Variants in REV3L observed in about 807,000 individuals in gnomAD.
The protein encoded by REV3L is DNA polymerase zeta catalytic subunit.
In REV3L, 69 loss-of-function variants were observed where a neutral mutation model predicts 299.4. The ratio of observed to expected loss-of-function variants is 0.23; its 90% CI spans 0.19 to 0.28. The LOEUF (loss-of-function observed/expected upper bound fraction) is 0.28. REV3L is among the 10% of genes least tolerant of loss of function. REV3L has a pLI of 1.00. For synonymous variants in REV3L, 1,238 were observed against 1,271.4 expected (o/e 0.97, Z 0.56); for missense variants, 3,128 against 3,693.8 (o/e 0.85, Z 3.97).
intron 21 of REV3L, among the ~76,000 whole-genome samples, chr6:111,340,355 G>T (rs1157619568): frequency 1.3e-5 from 2 of 152,044 alleles, no homozygotes; most frequent in African/African-American, 4.8e-5. Context: ...TTAGAGATTA[G>T]GAAAAGTTTT....
chr6:111,446,889 ACT>A (rs780767843), intron 1 of REV3L, among the ~76,000 whole-genome samples: 4 of 152,006 alleles, frequency 2.6e-5, no homozygotes, highest in Non-Finnish European at 5.9e-5. Flanking sequence ...GAATAAATCT[ACT>A]CTTTGTATAG....
At chr6:111,310,995 T>G in intron 29 of REV3L, 74 bp downstream of exon 29, 1 of 1,204,684 alleles carries the variant, frequency 8.3e-7, no homozygotes, top group Non-Finnish European at 1.1e-6. Flanking sequence ...CTATGGACTG[T>G]CTTTTCATTT....
chr6:111,359,533 A>T (rs1233393042), intron 16 of REV3L, among the ~76,000 whole-genome samples: 2 of 150,786 alleles, frequency 1.3e-5, no homozygotes, highest in African/African-American at 2.4e-5. Context: ...AAAAAAAAAA[A>T]AAAAAAAAAG....
At chr6:111,461,417 A>G (rs1308238820) in intron 1 of REV3L, among the ~76,000 whole-genome samples, 1 of 152,122 alleles carries the variant, frequency 6.6e-6, no homozygotes, top group African/African-American at 2.4e-5. Context: ...AGTTATTGTA[A>G]GAGAGTAAAA....
intron 4 of REV3L, among the ~76,000 whole-genome samples, chr6:111,395,204 C>CCA (rs1384930369): frequency 6.6e-6 from 1 of 152,086 alleles, no homozygotes; most frequent in East Asian, 1.9e-4. Flanking sequence ...TTTTGTAGTT[C>CCA]CACATGAAGT....
chr6:111,445,493 T>A (rs953320380), intron 1 of REV3L, among the ~76,000 whole-genome samples: 4 of 152,234 alleles, frequency 2.6e-5, no homozygotes, highest in African/African-American at 7.2e-5. Flanking sequence ...AACCATTTTT[T>A]AAATATTTTC....
chr6:111,387,982 A>T lies in REV3L; in HGVS notation c.947+19T>A, dbSNP rs370930963. On this transcript the variant is annotated intron_variant, in intron 8 of 31. Coordinates refer to ENST00000368802, the MANE Select transcript of REV3L (RefSeq NM_001372078.1). ...AGGAATAAAATTAGTTCTGAGATCT[A>T]TAATAAATAACCACTTACACAGAGA... 3 of 1,607,300 alleles carry T rather than the reference A, an allele frequency of 1.9e-6. No individual in the cohort carries two copies. The African/African-American group carries it at 4.0e-5, about 22-fold the overall frequency.
rs1229190886 is a variant in REV3L, at chr6:111,377,803, C to T, written c.1495G>A (p.Asp499Asn). Residue 499 changes from aspartate to asparagine, a missense_variant, in exon 12 of 32, where the codon GAT becomes AAT. This residue lies in a region of REV3L where 2,409 missense variants were observed against 2,611.8 expected (regional missense o/e 0.92). Coordinates refer to ENST00000368802, the MANE Select transcript of REV3L (RefSeq NM_001372078.1). Reference sequence around the variant, plus strand: ...ATTTCTTCTCCTGAAGATGAGTCATCATCTTCAGTTGAACTTCTGTGGGTA... The same window carrying T: ...ATTTCTTCTCCTGAAGATGAGTCATTATCTTCAGTTGAACTTCTGTGGGTA... ...RNTHRSSTED[D>N]DSSSGEEMEW... 1 of 1,613,398 alleles carries T rather than the reference C, an allele frequency of 6.2e-7. No individual in the cohort carries two copies. Among genetic ancestry groups the T allele is most frequent in the Non-Finnish European group, 8.5e-7 (1 of 1,179,744 alleles).
intron 1 of REV3L, chr6:111,430,148 C>A (rs1243049211): frequency 2.5e-6 from 2 of 787,618 alleles, no homozygotes; most frequent in Non-Finnish European, 4.7e-6. Context: ...TCCAGTGTCA[C>A]GCCCCTGTGG....
At chr6:111,410,941 T>C (rs1002087854) in intron 3 of REV3L, among the ~76,000 whole-genome samples, 1 of 152,130 alleles carries the variant, frequency 6.6e-6, no homozygotes, top group Non-Finnish European at 1.5e-5. Context: ...AAATCTTCCA[T>C]ATATGTGCCC....
In REV3L at chr6:111,379,962, T is replaced by G. The variant is rs1780659085; in HGVS notation, c.1454+20A>C. On this transcript the variant is annotated intron_variant, in intron 11 of 31. Coordinates refer to ENST00000368802, the MANE Select transcript of REV3L (RefSeq NM_001372078.1). ...TAATGATAAAAGTTAATAAAACAAC[T>G]GCAATAACTAAAAAATTACCTCTTT... is the stretch of plus-strand genomic sequence containing the variant. 1 of 1,412,748 alleles carries G rather than the reference T, an allele frequency of 7.1e-7. No individual in the cohort carries two copies. Among genetic ancestry groups the G allele is most frequent in the Non-Finnish European group, 9.9e-7 (1 of 1,005,248 alleles). 87.5% of individuals were successfully genotyped at this position (1,412,748 alleles called of 1,614,324 possible).
chr6:111,315,470 T>C (rs1057320301), intron 26 of REV3L, 89 bp from the exon 27 acceptor site: 13 of 916,470 alleles, frequency 1.4e-5, no homozygotes, highest in African/African-American at 1.3e-4. Flanking sequence ...ATGACTCTTG[T>C]CTAATGCCAA....
At chr6:111,460,107 T>A (rs1583070344) in intron 1 of REV3L, among the ~76,000 whole-genome samples, 1 of 152,070 alleles carries the variant, frequency 6.6e-6, no homozygotes, top group East Asian at 1.9e-4. Context: ...CAAAATCATG[T>A]CCTTTGCAAC....
rs373518464 is a variant in REV3L, at chr6:111,475,765, G to A, written c.139+6985C>T. On this transcript the variant is annotated intron_variant, in intron 1 of 31. Transcript: ENST00000368802. Reference sequence around the variant, plus strand: ...TTTGTTTGATTTTTTCCCCTGTACAGAATTTTATTTTTATGTCCTAAAATC... The same window carrying A: ...TTTGTTTGATTTTTTCCCCTGTACAAAATTTTATTTTTATGTCCTAAAATC... 1.6e-4 allele frequency among the ~76,000 whole-genome samples: 25 copies of A among 152,172 alleles called. No homozygotes were observed. In the South Asian group the frequency reaches 4.4e-3, roughly 26 times the overall value.
intron 1 of REV3L, among the ~76,000 whole-genome samples, chr6:111,471,275 G>A (rs1186613830): frequency 2.6e-5 from 4 of 151,818 alleles, no homozygotes; most frequent in Non-Finnish European, 5.9e-5. Flanking sequence ...CACTAGTGAT[G>A]GCTTTGGAAA....
intron 1 of REV3L, among the ~76,000 whole-genome samples, chr6:111,455,243 G>A (rs1227461232): frequency 6.6e-6 from 1 of 152,114 alleles, no homozygotes; most frequent in African/African-American, 2.4e-5. Context: ...TTCACCAGTA[G>A]AAAAGGCCAT....
At chr6:111,333,477 C>CT (rs5879102) in intron 22 of REV3L, 110 bp from the exon 23 acceptor site, 12,524 of 994,740 alleles carry the variant, frequency 0.013, no homozygotes, top group East Asian at 0.035. Context: ...GATTGTATGA[C>CT]TTTTTTTTTT....
At chr6:111,372,041 G>C (rs566039566) in intron 13 of REV3L, among the ~76,000 whole-genome samples, 243 of 152,244 alleles carry the variant, frequency 1.6e-3, no homozygotes, top group African/African-American at 5.4e-3. Flanking sequence ...AAGTCCATTT[G>C]CTAATAACTG....
intron 1 of REV3L, among the ~76,000 whole-genome samples, chr6:111,467,138 G>C (rs1791604806): frequency 1.3e-5 from 2 of 152,132 alleles, no homozygotes; most frequent in African/African-American, 4.8e-5. Context: ...TAAGAAGAAA[G>C]GGTTCGACAA....
Sources: allele counts gnomAD v4.1 joint callset (sites outside exome capture counted in the v4.1 genomes callset), GRCh38; gene constraint gnomAD v4.1.1; regional missense constraint gnomAD v4.1.1; transcripts MANE v1.5; gene names NCBI Gene and HGNC (gene_info 2026-07-23, HGNC 2026-07-21).